SLC24A3: variants seen among roughly 807,000 people sequenced by gnomAD.
SLC24A3 encodes the protein solute carrier family 24 member 3.
A neutral mutation model predicts 75.8 loss-of-function variants in SLC24A3; 28 were observed. The observed-to-expected ratio is 0.37, with a 90% CI of 0.27 to 0.51. The LOEUF (loss-of-function observed/expected upper bound fraction) is 0.51, where lower values mean the gene tolerates loss of function less well. Ranked by LOEUF, SLC24A3 falls within the 20% of genes least tolerant of loss-of-function variation. The probability of loss-of-function intolerance (pLI) is 0.94; values close to 1 mark genes in which losing one functional copy is unlikely to be tolerated. For missense variants in SLC24A3, 663 were observed against 847.8 expected (o/e 0.78, Z 2.71); for synonymous variants, 372 against 334.1 (o/e 1.11, Z -1.24).
intron 3 of SLC24A3, among the ~76,000 whole-genome samples, chr20:19,533,428 C>T (rs1015142556): frequency 2.0e-5 from 3 of 152,200 alleles, no homozygotes; most frequent in African/African-American, 7.2e-5. Flanking sequence ...CAAGGTCACA[C>T]TGCAGAAGAG....
At chr20:19,239,902 G>A (rs991475156) in intron 1 of SLC24A3, among the ~76,000 whole-genome samples, 7 of 152,150 alleles carry the variant, frequency 4.6e-5, no homozygotes, top group Admixed American at 1.3e-4. Flanking sequence ...TATGGCCCTC[G>A]TTGGACTGTA....
chr20:19,465,381 ATT>A (rs5840845), intron 2 of SLC24A3, among the ~76,000 whole-genome samples: 5,015 of 143,050 alleles, frequency 0.035, 275 homozygotes, highest in African/African-American at 0.12. Flanking sequence ...GGGCTGGAGA[ATT>A]TTTTTTTTTT....
intron 15 of SLC24A3, among the ~76,000 whole-genome samples, chr20:19,716,726 C>A (rs1053803932): frequency 2.0e-5 from 3 of 151,930 alleles, no homozygotes; most frequent in Admixed American, 6.6e-5. Flanking sequence ...TACAAAAAAT[C>A]AAAAATCAGC....
At chr20:19,306,463 A>G (rs1159373921) in intron 2 of SLC24A3, among the ~76,000 whole-genome samples, 6 of 152,240 alleles carry the variant, frequency 3.9e-5, no homozygotes, top group African/African-American at 7.2e-5. Context: ...GTGTCCATCA[A>G]TGGTGGACTG....
At chr20:19,720,593 C>T (rs368271392) in intron 16 of SLC24A3, among the ~76,000 whole-genome samples, 5 of 152,150 alleles carry the variant, frequency 3.3e-5, no homozygotes, top group African/African-American at 9.6e-5. Context: ...ATGCAGCCGC[C>T]ACCGCCTGAG....
chr20:19,553,607 G>A lies in SLC24A3; in HGVS notation c.349-26393G>A, dbSNP rs186759325. Among the ~76,000 whole-genome samples, 3 of 152,258 alleles carry A rather than the reference G, an allele frequency of 2.0e-5. No homozygotes were observed. In the East Asian group the frequency reaches 5.8e-4, roughly 29 times the overall value. ...TCAGTAAATAATAACAGAATGACTG[G>A]TGAGGTGTGTAAAACTAATGCTGAC... is the stretch of plus-strand genomic sequence containing the variant. On this transcript the variant is annotated intron_variant, in intron 3 of 16. Transcript: ENST00000328041.
At chr20:19,492,442 C>T (rs1227519632) in intron 2 of SLC24A3, among the ~76,000 whole-genome samples, 4 of 152,216 alleles carry the variant, frequency 2.6e-5, no homozygotes, top group Non-Finnish European at 5.9e-5. Context: ...CATCTGTAGC[C>T]TGGCACCAGC....
chr20:19,547,105 T>A (rs2030612762), intron 3 of SLC24A3, among the ~76,000 whole-genome samples: 1 of 152,234 alleles, frequency 6.6e-6, no homozygotes, highest in African/African-American at 2.4e-5. Context: ...TATCACAACA[T>A]GTAATTATAC....
At position 19,614,078 on chromosome 20, in the gene SLC24A3, G is replaced by C. The variant is rs80288715; in HGVS notation, c.612+28534G>C. Among the ~76,000 whole-genome samples the C allele has an allele frequency of 6.6e-3, 998 of 152,326 alleles. 12 individuals are homozygous for C. Among genetic ancestry groups the C allele is most frequent in the African/African-American group, 0.023 (953 of 41,568 alleles). On this transcript the variant is annotated intron_variant, in intron 6 of 16. Coordinates refer to ENST00000328041, the MANE Select transcript of SLC24A3 (RefSeq NM_020689.4). ...ATGAGCAGTTTCAACAGTGTGATGA[G>C]GGTGGGACAGTTTGCATCTGGAATC...
chr20:19,569,706 C>T (rs1006975707), intron 3 of SLC24A3, among the ~76,000 whole-genome samples: 4 of 151,890 alleles, frequency 2.6e-5, no homozygotes, highest in Non-Finnish European at 5.9e-5. Flanking sequence ...GGTCTGGCGG[C>T]AGCTGCTTCC....
At chr20:19,555,778 T>C (rs1273133369) in intron 3 of SLC24A3, among the ~76,000 whole-genome samples, 1 of 152,134 alleles carries the variant, frequency 6.6e-6, no homozygotes, top group African/African-American at 2.4e-5. Context: ...GAAGGACCCC[T>C]CTCCTCCCTA....
chr20:19,463,983 C>G (rs778472698), intron 2 of SLC24A3, among the ~76,000 whole-genome samples: 1 of 152,220 alleles, frequency 6.6e-6, no homozygotes, highest in Non-Finnish European at 1.5e-5. Flanking sequence ...TCATACAGAG[C>G]AGCCCAGCCC....
At chr20:19,716,187 C>T (rs1264508375) in intron 15 of SLC24A3, among the ~76,000 whole-genome samples, 1 of 152,126 alleles carries the variant, frequency 6.6e-6, no homozygotes, top group African/African-American at 2.4e-5. Context: ...GCCCCAAAAC[C>T]ACCCTCTGAG....
At chr20:19,240,242 T>C (rs914494533) in intron 1 of SLC24A3, among the ~76,000 whole-genome samples, 5 of 152,198 alleles carry the variant, frequency 3.3e-5, no homozygotes, top group Non-Finnish European at 5.9e-5. Context: ...TCTAACTGTG[T>C]CTGAAACTAG....
At chr20:19,720,604 G>T (rs873327) in intron 16 of SLC24A3, among the ~76,000 whole-genome samples, 67,813 of 151,878 alleles carry the variant, frequency 0.45, 16,928 homozygotes, top group East Asian at 0.64. Context: ...ACCGCCTGAG[G>T]ACTGAGGGGT....
intron 2 of SLC24A3, among the ~76,000 whole-genome samples, chr20:19,328,294 G>A (rs1345561046): frequency 1.3e-5 from 2 of 152,148 alleles, no homozygotes; most frequent in Non-Finnish European, 2.9e-5. Context: ...GGCTGGTGGA[G>A]GTCTTCTGCA....
chr20:19,296,768 T>C (rs2122241275), intron 2 of SLC24A3, among the ~76,000 whole-genome samples: 1 of 152,334 alleles, frequency 6.6e-6, no homozygotes. Flanking sequence ...TACAGAGCTT[T>C]CCACCTAAAA....
chr20:19,668,555 A>G lies in SLC24A3; in HGVS notation c.713+2666A>G, dbSNP rs963494365. 9.2e-5 allele frequency among the ~76,000 whole-genome samples: 14 copies of G among 152,360 alleles called. 1 individual carries two copies. The highest frequency in any genetic ancestry group is 3.3e-4 in the Admixed American group (5 of 15,306). On this transcript the variant is annotated intron_variant, in intron 8 of 16. Coordinates refer to ENST00000328041, the MANE Select transcript of SLC24A3 (RefSeq NM_020689.4). ...AATCTTCAAAAGGAAACAAATTTCA[A>G]TTGTGTTTATTTCGAAACTACAGTA...
At chr20:19,653,711 T>C (rs1034376129) in intron 6 of SLC24A3, among the ~76,000 whole-genome samples, 40 of 152,296 alleles carry the variant, frequency 2.6e-4, no homozygotes, top group African/African-American at 9.6e-4. Context: ...TCACTGCACC[T>C]TCCTCAGACT....
Sources: allele counts gnomAD v4.1 joint callset (sites outside exome capture counted in the v4.1 genomes callset), GRCh38; gene constraint gnomAD v4.1.1; transcripts MANE v1.5; gene names NCBI Gene and HGNC (gene_info 2026-07-23, HGNC 2026-07-21).